The following NWD2 variants were observed in gnomAD, a reference collection of about 807,000 sequenced individuals.
NWD2 encodes the protein NACHT and WD repeat domain-containing protein 2.
Under a neutral mutation model 132.7 loss-of-function variants are expected in NWD2, and 37 were observed. The observed-to-expected ratio is 0.28, with a 90% CI of 0.21 to 0.37. The LOEUF (loss-of-function observed/expected upper bound fraction) is 0.37. Among genes scored for constraint, NWD2 ranks in the 10% least tolerant of loss-of-function variants. NWD2 has a pLI of 1.00. For synonymous variants in NWD2, 705 were observed against 803.0 expected, an observed-to-expected ratio of 0.88 and a Z score of 2.06; for missense variants, 1,592 against 2,122.4, an observed-to-expected ratio of 0.75 and a Z score of 4.91.
At chr4:37,272,798 G>A (rs551408688) in intron 1 of NWD2, among the ~76,000 whole-genome samples, 2 of 151,416 alleles carry the variant, frequency 1.3e-5, no homozygotes, top group South Asian at 2.1e-4. Context: ...ACTTGTGCTG[G>A]GTTTAATTTG....
intron 1 of NWD2, among the ~76,000 whole-genome samples, chr4:37,265,421 T>C (rs555193004): frequency 2.1e-4 from 32 of 152,262 alleles, no homozygotes; most frequent in African/African-American, 6.7e-4. Context: ...TATAACAAGC[T>C]AGCACAAAGT....
chr4:37,433,215 T>A (rs1344161839), intron 4 of NWD2, among the ~76,000 whole-genome samples: 1 of 152,188 alleles, frequency 6.6e-6, no homozygotes, highest in Non-Finnish European at 1.5e-5. Context: ...GGAGTAAATA[T>A]AGATAGCAAA....
chr4:37,262,753 A>T (rs914560403), intron 1 of NWD2, among the ~76,000 whole-genome samples: 2 of 152,090 alleles, frequency 1.3e-5, no homozygotes, highest in Non-Finnish European at 2.9e-5. Context: ...AATAAGATTC[A>T]TAATAAGAGG....
intron 3 of NWD2, among the ~76,000 whole-genome samples, chr4:37,429,850 C>T (rs1319447859): frequency 1.3e-5 from 2 of 152,088 alleles, no homozygotes; most frequent in Non-Finnish European, 2.9e-5. Flanking sequence ...GAAAAAAATG[C>T]CAAGTAAAAA....
intron 5 of NWD2, among the ~76,000 whole-genome samples, chr4:37,435,922 G>A (rs1238678521): frequency 6.6e-6 from 1 of 152,132 alleles, no homozygotes; most frequent in Non-Finnish European, 1.5e-5. Flanking sequence ...CTTTCAAATG[G>A]ATATAGTATA....
Position 37,374,797 on chromosome 4 carries a change from T to A in NWD2, c.357+18315T>A, listed in dbSNP as rs80103023. On this transcript the variant is annotated intron_variant, in intron 3 of 6. Transcript: ENST00000309447. ...ATACTAATACTTAGCACTGACTGCATGCATCTAAGCTACATATATAGTATT... is the reference window on the plus strand; with the variant it reads ...ATACTAATACTTAGCACTGACTGCAAGCATCTAAGCTACATATATAGTATT... Among the ~76,000 whole-genome samples, 1,471 of 152,362 alleles carry A rather than the reference T, an allele frequency of 9.7e-3. 25 individuals are homozygous for A. Among genetic ancestry groups the A allele is most frequent in the African/African-American group, 0.033 (1,392 of 41,578 alleles).
intron 1 of NWD2, among the ~76,000 whole-genome samples, 154 bp downstream of exon 1, chr4:37,245,372 G>A (rs1314441509): frequency 6.6e-6 from 1 of 152,094 alleles, no homozygotes; most frequent in East Asian, 1.9e-4. Context: ...AATTTAATTT[G>A]AATCACTTTT....
chr4:37,293,240 CTT>C (rs1204462909), intron 1 of NWD2, among the ~76,000 whole-genome samples: 8 of 152,156 alleles, frequency 5.3e-5, no homozygotes, highest in African/African-American at 1.7e-4. Flanking sequence ...TTAAAAAAGA[CTT>C]AACTTTTAGC....
At chr4:37,359,067 G>A (rs546257611) in intron 3 of NWD2, among the ~76,000 whole-genome samples, 1 of 152,148 alleles carries the variant, frequency 6.6e-6, no homozygotes, top group Non-Finnish European at 1.5e-5. Context: ...TGAGAGAGAT[G>A]TTCTCCCCCT....
chr4:37,404,359 C>T (rs1270729425), intron 3 of NWD2, among the ~76,000 whole-genome samples: 2 of 152,282 alleles, frequency 1.3e-5, no homozygotes, highest in East Asian at 3.9e-4. Context: ...TAACTATGAG[C>T]ATTTGCCTAG....
At chr4:37,282,318 G>A (rs944357621) in intron 1 of NWD2, among the ~76,000 whole-genome samples, 11 of 151,720 alleles carry the variant, frequency 7.3e-5, no homozygotes, top group Non-Finnish European at 1.3e-4. Context: ...CTTGAGGTAG[G>A]AAAAAAAATG....
intron 2 of NWD2, among the ~76,000 whole-genome samples, chr4:37,348,896 A>G (rs1472706487): frequency 6.6e-6 from 1 of 150,378 alleles, no homozygotes; most frequent in Non-Finnish European, 1.5e-5. Context: ...ATGTGTTCTC[A>G]TTGTTAAACT....
intron 1 of NWD2, among the ~76,000 whole-genome samples, chr4:37,303,580 A>AT (rs138987159): frequency 0.02 from 3,098 of 151,828 alleles, 98 homozygotes; most frequent in African/African-American, 0.068. Context: ...CAAAAACGTG[A>AT]TTTTTTTTCA....
chr4:37,314,884 C>T lies in NWD2; in HGVS notation c.152-11052C>T, dbSNP rs140709347. 6.3e-3 allele frequency among the ~76,000 whole-genome samples: 960 copies of T among 152,204 alleles called. 5 individuals are homozygous for T. The highest frequency in any genetic ancestry group is 0.022 in the African/African-American group (917 of 41,552). ...TCACTGATTTTAACCTTTACTTTTA[C>T]AGGTGTTCAAAGATATAAATTTCAT... On this transcript the variant is annotated intron_variant, in intron 1 of 6. Coordinates refer to ENST00000309447, the MANE Select transcript of NWD2 (RefSeq NM_001144990.2).
intron 3 of NWD2, among the ~76,000 whole-genome samples, chr4:37,394,799 G>GTTTTT (rs1175840735): frequency 0.13 from 6,926 of 52,100 alleles, 2,095 homozygotes; most frequent in Middle Eastern, 0.19. Flanking sequence ...AACCTTTATG[G>GTTTTT]TTTTTTTTTT....
intron 5 of NWD2, among the ~76,000 whole-genome samples, chr4:37,436,497 A>G (rs891142854): frequency 1.3e-5 from 2 of 152,050 alleles, no homozygotes; most frequent in Non-Finnish European, 2.9e-5. Context: ...CTGCCAAATT[A>G]GTTTATCTGT....
intron 3 of NWD2, among the ~76,000 whole-genome samples, chr4:37,416,018 T>G (rs560448497): frequency 1.3e-5 from 2 of 152,172 alleles, no homozygotes; most frequent in Non-Finnish European, 2.9e-5. Flanking sequence ...TCAGCTGTTT[T>G]GTAAGGCATT....
Position 37,264,120 on chromosome 4 carries a change from A to C in NWD2, c.151+18902A>C, listed in dbSNP as rs540437854. On this transcript the variant is annotated intron_variant, in intron 1 of 6. Transcript: ENST00000309447. ...GAGAGTTTTGGACCCAGAATCCTTC[A>C]GTCTATCTATCCAATCCCAATTTGA... 2.4e-4 allele frequency among the ~76,000 whole-genome samples: 36 copies of C among 152,304 alleles called. 1 individual carries two copies. In the East Asian group the frequency reaches 6.9e-3, roughly 29 times the overall value.
chr4:37,270,210 AG>A (rs1717838104), intron 1 of NWD2, among the ~76,000 whole-genome samples: 1 of 151,862 alleles, frequency 6.6e-6, no homozygotes, highest in South Asian at 2.1e-4. Context: ...AACTTGAATA[AG>A]GTTAACCATG....
Sources: allele counts gnomAD v4.1 joint callset (sites outside exome capture counted in the v4.1 genomes callset), GRCh38; gene constraint gnomAD v4.1.1; transcripts MANE v1.5; gene names NCBI Gene and HGNC (gene_info 2026-07-23, HGNC 2026-07-21).